SMCHD1: variants seen among roughly 807,000 people sequenced by gnomAD.
SMCHD1 encodes structural maintenance of chromosomes flexible hinge domain containing 1.
SMCHD1 carries 78 observed loss-of-function variants against 254.7 expected under a neutral mutation model. The ratio of observed to expected loss-of-function variants is 0.31; its 90% CI spans 0.26 to 0.37. The LOEUF (loss-of-function observed/expected upper bound fraction) is 0.37. SMCHD1 is among the 10% of genes least tolerant of loss of function. The probability of loss-of-function intolerance (pLI) is 1.00; values close to 1 mark genes in which losing one functional copy is unlikely to be tolerated. For synonymous variants in SMCHD1, 766 were observed against 794.9 expected, an observed-to-expected ratio of 0.96 and a Z score of 0.61; for missense variants, 1,840 against 2,408.1, an observed-to-expected ratio of 0.76 and a Z score of 4.94.
chr18:2,661,332 A>G lies in SMCHD1; in HGVS notation c.187-4825A>G, dbSNP rs563363814. Among the ~76,000 whole-genome samples, 3 of 140,260 alleles carry G rather than the reference A, an allele frequency of 2.1e-5. No individual in the cohort carries two copies. In the South Asian group the frequency reaches 6.3e-4, roughly 29 times the overall value. The allele number at this position is 140,260 out of a possible 152,430, so 92.0% of individuals were successfully genotyped here. ...GCATGTTCTGCACATGTATCCAGGA[A>G]CTTAAAAAAAAAAAAAGATAGTTTG... On this transcript the variant is annotated intron_variant, in intron 1 of 47. Transcript: ENST00000320876.
At chr18:2,762,638 AC>A (rs1048577439) in intron 36 of SMCHD1, among the ~76,000 whole-genome samples, 3 of 151,860 alleles carry the variant, frequency 2.0e-5, no homozygotes, top group Middle Eastern at 3.2e-3. Context: ...ACAGCACCAC[AC>A]CTGGCTAGTT....
Position 2,656,135 on chromosome 18 carries a change from C to T in SMCHD1, c.60C>T (p.Gly20=), listed in dbSNP as rs368993406. 55 of 1,492,102 alleles carry T rather than the reference C, an allele frequency of 3.7e-5. No individual in the cohort carries two copies. Among genetic ancestry groups the T allele is most frequent in the Non-Finnish European group, 4.6e-5 (52 of 1,123,076 alleles). 92.4% of individuals were successfully genotyped at this position (1,492,102 alleles called of 1,614,324 possible). Residue 20 remains glycine, a synonymous_variant, in exon 1 of 48, where the codon GGC becomes GGT. Coordinates refer to ENST00000320876, the MANE Select transcript of SMCHD1 (RefSeq NM_015295.3). ...GGASVGTEED[G]GGVGHRTVYL... is the part of the protein sequence containing the mutation. The stretch of plus-strand genomic sequence containing the variant: ...CCTCTGTGGGGACTGAGGAGGATGG[C>T]GGAGGCGTCGGCCACAGGACGGTGT...
chr18:2,679,501 G>GAAAAAAAAAAAAAAAAAAAAAA (rs1555628386), intron 5 of SMCHD1, among the ~76,000 whole-genome samples: 1 of 48,772 alleles, frequency 2.1e-5, no homozygotes, highest in Non-Finnish European at 6.5e-5. Context: ...AAAAAAAAAG[G>GAAAAAAAAAAAAAAAAAAAAAA]AACTCTTGGT....
chr18:2,792,654 ATAT>A (rs1354477623), intron 45 of SMCHD1, among the ~76,000 whole-genome samples: 1 of 152,238 alleles, frequency 6.6e-6, no homozygotes, highest in Non-Finnish European at 1.5e-5. Context: ...ATTCTTCAAA[ATAT>A]TATATATCTG....
chr18:2,790,220 T>C lies in SMCHD1; in HGVS notation c.5719+5599T>C, dbSNP rs191555508. Among the ~76,000 whole-genome samples, 441 of 152,114 alleles carry C rather than the reference T, an allele frequency of 2.9e-3. 2 individuals are homozygous for C. The highest frequency in any genetic ancestry group is 6.3e-3 in the Admixed American group (96 of 15,278). On this transcript the variant is annotated intron_variant, in intron 45 of 47. Transcript: ENST00000320876. Reference sequence around the variant, plus strand: ...ATAATAACTCAAGAAAAGCATCTTATCATAATCAATAAGTAATTGCATAAG... The same window carrying C: ...ATAATAACTCAAGAAAAGCATCTTACCATAATCAATAAGTAATTGCATAAG...
chr18:2,690,197 T>C (rs922941938), intron 7 of SMCHD1, among the ~76,000 whole-genome samples: 2 of 152,188 alleles, frequency 1.3e-5, no homozygotes, highest in African/African-American at 4.8e-5. Flanking sequence ...TTAAAATATA[T>C]ACTTAATAGT....
At chr18:2,687,222 T>C (rs937699051) in intron 5 of SMCHD1, among the ~76,000 whole-genome samples, 34 of 152,330 alleles carry the variant, frequency 2.2e-4, no homozygotes, top group African/African-American at 7.9e-4. Context: ...GTCTCATATG[T>C]AGTCCTTAAA....
At chr18:2,688,242 GAGT>G (rs2074096767) in intron 5 of SMCHD1, among the ~76,000 whole-genome samples, 149 bp from the exon 6 acceptor site, 1 of 152,238 alleles carries the variant, frequency 6.6e-6, no homozygotes, top group South Asian at 2.1e-4. Context: ...AGATGCACTG[GAGT>G]AGATGTCTTG....
At chr18:2,665,923 A>G (rs2073423019) in intron 1 of SMCHD1, among the ~76,000 whole-genome samples, 1 of 152,122 alleles carries the variant, frequency 6.6e-6, no homozygotes. Context: ...TAGTGTTCCT[A>G]GGTTGCTTAT....
chr18:2,690,726 C>T (rs748010814), intron 7 of SMCHD1, among the ~76,000 whole-genome samples: 19 of 151,046 alleles, frequency 1.3e-4, no homozygotes, highest in South Asian at 2.1e-4. Context: ...TCAGGCAGTC[C>T]GCCCACCTCG....
At chr18:2,786,293 T>G (rs1375917479) in intron 45 of SMCHD1, among the ~76,000 whole-genome samples, 1 of 151,750 alleles carries the variant, frequency 6.6e-6, no homozygotes, top group African/African-American at 2.4e-5. Flanking sequence ...TCTGGCCACT[T>G]TGTTTGCTTT....
At chr18:2,743,372 A>T (rs2075387252) in intron 28 of SMCHD1, among the ~76,000 whole-genome samples, 1 of 151,594 alleles carries the variant, frequency 6.6e-6, no homozygotes, top group African/African-American at 2.4e-5. Context: ...AGAGCCTCTT[A>T]TTAAGGTATC....
chr18:2,785,836 A>G (rs1040365850), intron 45 of SMCHD1, among the ~76,000 whole-genome samples: 5 of 152,000 alleles, frequency 3.3e-5, no homozygotes, highest in African/African-American at 1.2e-4. Flanking sequence ...TACTTCATAT[A>G]AGTAGAATCA....
intron 44 of SMCHD1, among the ~76,000 whole-genome samples, chr18:2,783,632 G>C (rs1007848184): frequency 2.0e-5 from 3 of 151,630 alleles, no homozygotes; most frequent in African/African-American, 4.9e-5. Context: ...GAGTGCAGTG[G>C]TGCGATCTCA....
chr18:2,732,252 C>T lies in SMCHD1; in HGVS notation c.3049-13C>T, dbSNP rs374914932. 6.9e-6 allele frequency: 11 copies of T among 1,601,824 alleles called. No homozygotes were observed. The highest frequency in any genetic ancestry group is 9.4e-6 in the Non-Finnish European group (11 of 1,171,964). On this transcript the variant is annotated splice_polypyrimidine_tract_variant and intron_variant, in intron 24 of 47. Coordinates refer to ENST00000320876, the MANE Select transcript of SMCHD1 (RefSeq NM_015295.3). ...AGATATCACTCAGTGTTTGTGTTTTCTTCTCTTTCTAGAGTTGTAAAGATG... is the reference window on the plus strand; with the variant it reads ...AGATATCACTCAGTGTTTGTGTTTTTTTCTCTTTCTAGAGTTGTAAAGATG...
At chr18:2,661,227 A>G (rs1017832828) in intron 1 of SMCHD1, among the ~76,000 whole-genome samples, 3 of 152,176 alleles carry the variant, frequency 2.0e-5, no homozygotes, top group African/African-American at 7.2e-5. Flanking sequence ...TACCTAATGC[A>G]TGTGGGGCTT....
At chr18:2,740,857 A>G in intron 28 of SMCHD1, 36 bp downstream of exon 28, 1 of 1,268,856 alleles carries the variant, frequency 7.9e-7, no homozygotes, top group Non-Finnish European at 1.1e-6. Context: ...GGTTTGATTT[A>G]TTCATTGTTA....
rs917777850 is a variant in SMCHD1, at chr18:2,736,876, C to G, written c.3277-1521C>G. Among the ~76,000 whole-genome samples the G allele has an allele frequency of 2.6e-5, 4 of 152,108 alleles. No homozygotes were observed. The East Asian group carries it at 7.7e-4, about 29-fold the overall frequency. ...ACCTTAAATAGAACTATCGTTTGAA[C>G]CAGCAATACCATTACTGTATATATA... On this transcript the variant is annotated intron_variant, in intron 25 of 47. Transcript: ENST00000320876.
intron 17 of SMCHD1, among the ~76,000 whole-genome samples, chr18:2,716,763 A>G (rs765226628): frequency 3.9e-5 from 6 of 152,202 alleles, no homozygotes; most frequent in Non-Finnish European, 5.9e-5. Context: ...GGTTCTCTAC[A>G]GTTTTGACCT....
Sources: gnomAD v4.1 joint callset for allele counts (sites outside exome capture counted in the v4.1 genomes callset) on GRCh38, gnomAD v4.1.1 for gene constraint, MANE v1.5 for transcripts, NCBI Gene and HGNC (gene_info 2026-07-23, HGNC 2026-07-21) for gene names.